GPATCH2: variants seen among roughly 807,000 people sequenced by gnomAD.
GPATCH2 encodes the protein G patch domain-containing protein 2.
Under a neutral mutation model 58.0 loss-of-function variants are expected in GPATCH2, and 51 were observed. The ratio of observed to expected loss-of-function variants is 0.88; its 90% CI spans 0.70 to 1.11. GPATCH2 has a LOEUF of 1.11. GPATCH2 is among the 50% of genes most tolerant of loss of function. The pLI is 0.00. For synonymous variants in GPATCH2, 222 were observed against 218.5 expected (o/e 1.02, Z -0.14); for missense variants, 625 against 652.2 (o/e 0.96, Z 0.45).
At chr1:217,615,298 T>C (rs1457868693) in intron 2 of GPATCH2, among the ~76,000 whole-genome samples, 2 of 152,086 alleles carry the variant, frequency 1.3e-5, no homozygotes, top group Non-Finnish European at 2.9e-5. Context: ...TATAGGAATT[T>C]CTTAAGAGGC....
At chr1:217,625,651 A>C (rs1453272033) in intron 1 of GPATCH2, among the ~76,000 whole-genome samples, 1 of 152,188 alleles carries the variant, frequency 6.6e-6, no homozygotes, top group Non-Finnish European at 1.5e-5. Flanking sequence ...ACAAGAGGAT[A>C]TGCATGTGTG....
chr1:217,477,694 G>A (rs1197240075), intron 8 of GPATCH2, among the ~76,000 whole-genome samples: 2 of 152,162 alleles, frequency 1.3e-5, no homozygotes, highest in East Asian at 3.9e-4. Flanking sequence ...GAAAGAGTGG[G>A]AAGGACTGCA....
At chr1:217,465,235 AG>A (rs555683098) in intron 8 of GPATCH2, among the ~76,000 whole-genome samples, 130 of 152,272 alleles carry the variant, frequency 8.5e-4, no homozygotes, top group African/African-American at 3.0e-3. Flanking sequence ...AGAAATTAAA[AG>A]GAAAGTGATA....
chr1:217,536,759 G>A (rs1664492270), intron 5 of GPATCH2, among the ~76,000 whole-genome samples: 1 of 152,172 alleles, frequency 6.6e-6, no homozygotes, highest in African/African-American at 2.4e-5. Context: ...GACGGATCAT[G>A]AGGTCAGGAG....
intron 8 of GPATCH2, among the ~76,000 whole-genome samples, chr1:217,482,167 C>T (rs1479742431): frequency 6.6e-6 from 1 of 152,144 alleles, no homozygotes; most frequent in Non-Finnish European, 1.5e-5. Context: ...AATCAGTGTA[C>T]TCTACTCCTT....
At chr1:217,445,657 A>G (rs1213606817) in intron 9 of GPATCH2, among the ~76,000 whole-genome samples, 2 of 152,144 alleles carry the variant, frequency 1.3e-5, no homozygotes, top group African/African-American at 4.8e-5. Flanking sequence ...AAAAAAATCA[A>G]TATCTAACCT....
chr1:217,605,999 T>C, intron 5 of GPATCH2, among the ~76,000 whole-genome samples: 1 of 152,112 alleles, frequency 6.6e-6, no homozygotes, highest in East Asian at 1.9e-4. Context: ...TAAGAGATGC[T>C]AGTTAGCTGG....
intron 1 of GPATCH2, among the ~76,000 whole-genome samples, chr1:217,627,198 G>A (rs1669511376): frequency 6.6e-6 from 1 of 152,064 alleles, no homozygotes; most frequent in Non-Finnish European, 1.5e-5. Context: ...TTCAAGGTAA[G>A]TTATTTCATG....
Position 217,614,182 on chromosome 1 carries a change from C to T in GPATCH2, c.794G>A (p.Ser265Asn), listed in dbSNP as rs374459036. Residue 265 changes from serine (S) to asparagine (N), a missense_variant, in exon 3 of 10, where the codon AGC (serine) becomes AAC (asparagine). Transcript: ENST00000366935. ...ATTGGTAAACAATCCAGCATCAGTG[C>T]TGCTGAGACTGCTGGAATCACTGTA... ...MSESDSSSLS[S>N]TDAGLFTNDE... 2 of 1,562,952 alleles carry T rather than the reference C, an allele frequency of 1.3e-6. No individual in the cohort carries two copies. Among genetic ancestry groups the T allele is most frequent in the African/African-American group, 1.4e-5 (1 of 73,982 alleles).
chr1:217,464,413 C>G (rs1271367099), intron 8 of GPATCH2, among the ~76,000 whole-genome samples: 2 of 152,104 alleles, frequency 1.3e-5, no homozygotes, highest in Non-Finnish European at 2.9e-5. Context: ...CTCTACCACT[C>G]AATGGAAAGT....
intron 5 of GPATCH2, among the ~76,000 whole-genome samples, chr1:217,532,069 C>G (rs1170187068): frequency 6.6e-6 from 1 of 152,126 alleles, no homozygotes; most frequent in Non-Finnish European, 1.5e-5. Context: ...TCACTACAAC[C>G]CAACTCCGCT....
chr1:217,507,301 C>T (rs1355511364), intron 6 of GPATCH2, among the ~76,000 whole-genome samples: 3 of 152,150 alleles, frequency 2.0e-5, no homozygotes, highest in East Asian at 3.8e-4. Flanking sequence ...AGGATGCTAA[C>T]GGTATTCCTC....
chr1:217,472,906 C>T (rs1235632132), intron 8 of GPATCH2, among the ~76,000 whole-genome samples: 1 of 152,080 alleles, frequency 6.6e-6, no homozygotes, highest in Admixed American at 6.5e-5. Context: ...TGTCCTAGTC[C>T]CCCCTAGAAA....
At chr1:217,471,938 A>G (rs1383251248) in intron 8 of GPATCH2, among the ~76,000 whole-genome samples, 6 of 152,208 alleles carry the variant, frequency 3.9e-5, no homozygotes, top group Non-Finnish European at 8.8e-5. Flanking sequence ...ACTTTAAAAA[A>G]TTAAGTACAA....
chr1:217,497,010 G>A (rs1183488733), intron 7 of GPATCH2, among the ~76,000 whole-genome samples: 1 of 152,108 alleles, frequency 6.6e-6, no homozygotes, highest in Non-Finnish European at 1.5e-5. Context: ...TAAGGTATTA[G>A]CTATTAAAGG....
At chr1:217,439,153 G>A (rs569353810) in intron 9 of GPATCH2, among the ~76,000 whole-genome samples, 1 of 152,208 alleles carries the variant, frequency 6.6e-6, no homozygotes, top group South Asian at 2.1e-4. Context: ...CAAAAGAACG[G>A]AAATCATAAC....
chr1:217,462,725 T>G (rs1209256327), intron 8 of GPATCH2, among the ~76,000 whole-genome samples: 1 of 152,228 alleles, frequency 6.6e-6, no homozygotes, highest in East Asian at 1.9e-4. Flanking sequence ...AATCTTTTTC[T>G]TCAACTAAAT....
In GPATCH2 at chr1:217,513,156, G is replaced by A. The variant is rs531003137; in HGVS notation, c.1166+1666C>T. Among the ~76,000 whole-genome samples the A allele has an allele frequency of 2.0e-5, 3 of 152,246 alleles. No individual in the cohort carries two copies. In the East Asian group the frequency reaches 5.8e-4, roughly 29 times the overall value. On this transcript the variant is annotated intron_variant, in intron 6 of 9. Transcript: ENST00000366935. ...AATACAAAAATTAGCCAGGCGTGGT[G>A]GCACACGCCTGTAGTCCCAAGCTAC...
intron 5 of GPATCH2, chr1:217,608,192 C>T (rs766390821): frequency 8.5e-5 from 69 of 807,594 alleles, no homozygotes; most frequent in Middle Eastern, 1.2e-3. Flanking sequence ...TCTTACCTTT[C>T]TTGCCCAAGT....
Sources: gnomAD v4.1 joint callset for allele counts (sites outside exome capture counted in the v4.1 genomes callset) on GRCh38, gnomAD v4.1.1 for gene constraint, MANE v1.5 for transcripts, NCBI Gene and HGNC (gene_info 2026-07-23, HGNC 2026-07-21) for gene names.